LCMT1: variants seen among roughly 807,000 people sequenced by gnomAD.
LCMT1 encodes [Phosphatase 2A protein]-leucine-carboxy methyltransferase 1.
In LCMT1, 32 loss-of-function variants were observed where a neutral mutation model predicts 47.7. The observed-to-expected ratio is 0.67, with a 90% CI of 0.51 to 0.90. The LOEUF (loss-of-function observed/expected upper bound fraction) is 0.90. Among genes scored for constraint, LCMT1 ranks in the 40% least tolerant of loss-of-function variants. The pLI is 0.00. For synonymous variants in LCMT1, 152 were observed against 149.7 expected (o/e 1.02, Z -0.11); for missense variants, 375 against 415.2 (o/e 0.90, Z 0.84).
Position 25,138,359 on chromosome 16 carries a change from G to A in LCMT1, c.328-1812G>A, listed in dbSNP as rs80306444. ...GGTGACAGAGCTCAGGAGGAGTGAA[G>A]GGATTCCAGAGGCATCAGCAGGGCT... is the stretch of plus-strand genomic sequence containing the variant. On this transcript the variant is annotated intron_variant, in intron 3 of 10. Coordinates refer to ENST00000399069, the MANE Select transcript of LCMT1 (RefSeq NM_016309.3). Among the ~76,000 whole-genome samples the A allele has an allele frequency of 5.0e-3, 757 of 152,258 alleles. 12 individuals carry two copies. The highest frequency in any genetic ancestry group is 0.017 in the African/African-American group (723 of 41,536).
At chr16:25,132,222 T>C in intron 2 of LCMT1, 180 bp from the exon 3 acceptor site, 1 of 669,310 alleles carries the variant, frequency 1.5e-6, no homozygotes, top group Non-Finnish European at 2.5e-6. Context: ...TCAGATGCCT[T>C]TAACCAAAAA....
chr16:25,148,518 TC>T (rs1960948330), intron 4 of LCMT1, among the ~76,000 whole-genome samples: 1 of 152,154 alleles, frequency 6.6e-6, no homozygotes. Context: ...ACCCAGTAGT[TC>T]CTTCCAGCCG....
chr16:25,155,002 CA>C (rs1961209411), intron 5 of LCMT1, among the ~76,000 whole-genome samples: 1 of 152,066 alleles, frequency 6.6e-6, no homozygotes. Flanking sequence ...TTAAAACTGA[CA>C]AAAAATATTT....
At chr16:25,113,140 CAA>C (rs59940814) in intron 1 of LCMT1, among the ~76,000 whole-genome samples, 12 of 109,052 alleles carry the variant, frequency 1.1e-4, no homozygotes, top group South Asian at 3.3e-4. Context: ...GACTATGTCT[CAA>C]AAAAAAAAAA....
chr16:25,140,370 A>G, intron 4 of LCMT1, 123 bp downstream of exon 4: 1 of 726,448 alleles, frequency 1.4e-6, no homozygotes. Context: ...ACTGCCCCCC[A>G]CCAACTTTTT....
Position 25,169,213 on chromosome 16 carries a change from G to T in LCMT1, c.792G>T (p.Gln264His). The change falls in exon 8 of 11, where the codon CAG becomes CAT. Residue 264 changes from glutamine to histidine, a missense_variant and splice_region_variant. Physicochemically the swap from Gln to His is conservative, Grantham distance 24. Transcript: ENST00000399069. Reference sequence around the variant, plus strand: ...AGACCTGCAAGTCATTAGAGTCACAGGTCAGAGAGCAGGGACTGGGATATC... The same window carrying T: ...AGACCTGCAAGTCATTAGAGTCACATGTCAGAGAGCAGGGACTGGGATATC... ...GVETCKSLES[Q>H]KERLLSNGWE... is the part of the protein sequence containing the mutation. The T allele has an allele frequency of 6.3e-7, 1 of 1,597,336 alleles. No individual in the cohort carries two copies. The highest frequency in any genetic ancestry group is 1.1e-5 in the South Asian group (1 of 90,686).
At chr16:25,156,567 C>T (rs566268598) in intron 5 of LCMT1, among the ~76,000 whole-genome samples, 6 of 152,308 alleles carry the variant, frequency 3.9e-5, no homozygotes, top group Admixed American at 3.9e-4. Flanking sequence ...CAGATGATCT[C>T]AGCCAGGGCA....
chr16:25,150,908 A>C (rs1328445773), intron 4 of LCMT1, among the ~76,000 whole-genome samples: 1 of 152,156 alleles, frequency 6.6e-6, no homozygotes, highest in African/African-American at 2.4e-5. Context: ...GGCAATTCTG[A>C]TGCTCTGGGA....
intron 6 of LCMT1, among the ~76,000 whole-genome samples, chr16:25,162,082 T>A (rs945050057): frequency 1.3e-5 from 2 of 152,176 alleles, no homozygotes; most frequent in Admixed American, 6.5e-5. Flanking sequence ...CTAGTAACAT[T>A]GTAAGTATGT....
intron 4 of LCMT1, among the ~76,000 whole-genome samples, chr16:25,151,332 A>G (rs1961074194): frequency 6.6e-6 from 1 of 152,236 alleles, no homozygotes; most frequent in Non-Finnish European, 1.5e-5. Context: ...ATGCTTAGCC[A>G]ATGTCACCTG....
chr16:25,177,931 G>A (rs565828385), intron 10 of LCMT1, 70 bp from the exon 11 acceptor site: 5 of 1,400,804 alleles, frequency 3.6e-6, no homozygotes, highest in African/African-American at 2.8e-5. Flanking sequence ...CGGTCACTGG[G>A]GGTCCTCTAG....
At chr16:25,160,898 G>A (rs1236393217) in intron 5 of LCMT1, 2 of 638,198 alleles carry the variant, frequency 3.1e-6, no homozygotes, top group Non-Finnish European at 5.8e-6. Context: ...AAGCACATAG[G>A]ACAAAAGGCT....
chr16:25,166,682 A>C (rs1961601588), intron 7 of LCMT1, among the ~76,000 whole-genome samples: 1 of 152,068 alleles, frequency 6.6e-6, no homozygotes, highest in Non-Finnish European at 1.5e-5. Context: ...CCATCAGGGG[A>C]CTTGCCCAGT....
At chr16:25,129,369 T>G (rs1960285009) in intron 2 of LCMT1, among the ~76,000 whole-genome samples, 1 of 152,168 alleles carries the variant, frequency 6.6e-6, no homozygotes, top group Non-Finnish European at 1.5e-5. Flanking sequence ...TTTATTAAAT[T>G]TAATGAATTC....
chr16:25,132,495 G>C lies in LCMT1; in HGVS notation c.299G>C (p.Gly100Ala). The change falls in exon 3 of 11, where the codon GGC becomes GCC. Residue 100 changes from glycine to alanine, a missense_variant. Transcript: ENST00000399069. ...TGTCAAATTGTCAACCTTGGGGCAGGCATGGATACCACCTTCTGGAGATTA... is the reference window on the plus strand; with the variant it reads ...TGTCAAATTGTCAACCTTGGGGCAGCCATGGATACCACCTTCTGGAGATTA... Reference protein sequence around the residue: ...CHCQIVNLGAGMDTTFWRLKD... With the variant: ...CHCQIVNLGAAMDTTFWRLKD... 2.5e-6 allele frequency: 4 copies of C among 1,613,802 alleles called. No homozygotes were observed. Among genetic ancestry groups the C allele is most frequent in the Non-Finnish European group, 3.4e-6 (4 of 1,179,788 alleles).
intron 5 of LCMT1, among the ~76,000 whole-genome samples, chr16:25,154,074 ATC>A (rs1307163974): frequency 2.6e-5 from 4 of 151,814 alleles, no homozygotes; most frequent in African/African-American, 4.8e-5. Flanking sequence ...TGGTGGCTCA[ATC>A]TCTGCTCACT....
chr16:25,111,793 C>A lies in LCMT1; in HGVS notation c.-91C>A. 1 of 872,838 alleles carries A rather than the reference C, an allele frequency of 1.1e-6. No homozygotes were observed. The highest frequency in any genetic ancestry group is 1.4e-5 in the South Asian group (1 of 69,406). The allele number at this position is 872,838 out of a possible 1,614,324, so 54.1% of individuals were successfully genotyped here. A position where few individuals can be genotyped will look rare whatever the true frequency, so the allele number is the denominator to read the frequency against. ...GGTAGGGCCCTACCCTCTTCTGTTG[C>A]TTTCTCCCTGTGGCTCGCGCCGTCC... On this transcript the variant is annotated 5_prime_UTR_variant, in exon 1 of 11. Transcript: ENST00000399069.
intron 3 of LCMT1, among the ~76,000 whole-genome samples, chr16:25,136,285 C>T (rs1370540379): frequency 6.6e-6 from 1 of 151,388 alleles, no homozygotes; most frequent in Non-Finnish European, 1.5e-5. Context: ...ATGTCGAGTC[C>T]CCTTTGGGTG....
At chr16:25,129,339 A>G (rs1268217026) in intron 2 of LCMT1, among the ~76,000 whole-genome samples, 2 of 152,182 alleles carry the variant, frequency 1.3e-5, no homozygotes. Context: ...CCACATTAAA[A>G]TCACAATAGT....
Sources: allele counts gnomAD v4.1 joint callset (sites outside exome capture counted in the v4.1 genomes callset), GRCh38; gene constraint gnomAD v4.1.1; transcripts MANE v1.5; gene names NCBI Gene and HGNC (gene_info 2026-07-23, HGNC 2026-07-21).